Variants in CCNL2 observed in about 807,000 individuals in gnomAD.
The protein encoded by CCNL2 is cyclin L2.
In CCNL2, 28 loss-of-function variants were observed where a neutral mutation model predicts 59.1. That is an observed-to-expected ratio of 0.47 (90% CI 0.35 to 0.65). CCNL2 has a LOEUF of 0.65. CCNL2 is among the 30% of genes least tolerant of loss of function. The pLI is 0.00. For synonymous variants in CCNL2, 342 were observed against 288.6 expected (o/e 1.19, Z -1.88); for missense variants, 714 against 717.4 (o/e 1.00, Z 0.05).
chr1:1,398,992 G>A lies in CCNL2; in HGVS notation c.288+27C>T, dbSNP rs775420402. 16 of 1,574,666 alleles carry A rather than the reference G, an allele frequency of 1.0e-5. No homozygotes were observed. In the Admixed American group the frequency reaches 1.4e-4, roughly 14 times the overall value. Reference sequence around the variant, plus strand: ...GGCTGCCGCCCCAGCGGTTACCTGGGCCGGAGGCTCGCGGCCGCGCCCTCA... The same window carrying A: ...GGCTGCCGCCCCAGCGGTTACCTGGACCGGAGGCTCGCGGCCGCGCCCTCA... On this transcript the variant is annotated intron_variant, in intron 1 of 10. Coordinates refer to ENST00000400809, the MANE Select transcript of CCNL2 (RefSeq NM_030937.6).
Position 1,386,592 on chromosome 1 carries a change from T to TA in CCNL2, c.*638dup, listed in dbSNP as rs1644465313. The TA allele has an allele frequency of 6.6e-6, 1 of 152,628 alleles. No homozygotes were observed. The highest frequency in any genetic ancestry group is 1.5e-5 in the Non-Finnish European group (1 of 68,048). 9.5% of individuals were successfully genotyped at this position (152,628 alleles called of 1,614,324 possible). ...TGGCCTGCACTCAGCACCGCACAGA[T>TA]AAAAATATACGACTTTCAACACAGA... is the stretch of plus-strand genomic sequence containing the variant. On this transcript the variant is annotated 3_prime_UTR_variant, in exon 11 of 11. Coordinates refer to ENST00000400809, the MANE Select transcript of CCNL2 (RefSeq NM_030937.6).
At chr1:1,398,835 T>C (rs905746695) in intron 1 of CCNL2, 164 bp from the exon 2 acceptor site, 140 of 1,249,702 alleles carry the variant, frequency 1.1e-4, no homozygotes, top group Non-Finnish European at 1.4e-4. Context: ...TCCAGCGCAC[T>C]GGCGGGCGGG....
Position 1,390,459 on chromosome 1 carries a change from C to A in CCNL2, c.864G>T (p.Lys288Asn). Residue 288 changes from lysine (K) to asparagine (N), a missense_variant and splice_region_variant, in exon 7 of 11, where the codon AAG (lysine) becomes AAT (asparagine). Around this residue, in one of 5 missense-constraint regions of CCNL2, gnomAD observed 403 missense variants for 377.7 expected, o/e 1.07. Coordinates refer to ENST00000400809, the MANE Select transcript of CCNL2 (RefSeq NM_030937.6). ...LKILQLYARK[K>N]VDLTHLEGEV... is the part of the protein sequence containing the mutation. ...GTTACATGAAAAAATGCCGAAGAAC[C>A]TTTTTCCGAGCATAAAGCTGCAAGA... The A allele has an allele frequency of 1.2e-6, 2 of 1,613,128 alleles. No homozygotes were observed. Among genetic ancestry groups the A allele is most frequent in the Non-Finnish European group, 1.7e-6 (2 of 1,179,604 alleles).
chr1:1,387,744 AT>A, intron 10 of CCNL2, 32 bp downstream of exon 10: 1 of 1,554,714 alleles, frequency 6.4e-7, no homozygotes, highest in Non-Finnish European at 8.8e-7. Flanking sequence ...CCACCCCGGT[AT>A]CGGCCTCCTG....
In CCNL2 at chr1:1,395,438, G is replaced by C. The variant is rs769883231; in HGVS notation, c.550C>G (p.Leu184Val). Residue 184 changes from leucine to valine, a missense_variant, in exon 4 of 11, where the codon CTC (leucine) becomes GTC (valine). Around this residue, in one of 5 missense-constraint regions of CCNL2, gnomAD observed 270 missense variants for 254.9 expected, o/e 1.06. Transcript: ENST00000400809. ...TGGACGCAGAAACCCAACTCTTTGA[G>C]AACTCGTCTTTCCGCCTTTATAATT... ...NQIIKAERRV[L>V]KELGFCVHVK... is the part of the protein sequence containing the mutation. 1.9e-6 allele frequency: 3 copies of C among 1,614,164 alleles called. No individual in the cohort carries two copies. Among genetic ancestry groups the C allele is most frequent in the Non-Finnish European group, 2.5e-6 (3 of 1,180,036 alleles).
rs1192078411 is a variant in CCNL2, at chr1:1,387,810, C to T, written c.1178G>A (p.Arg393Lys). The T allele has an allele frequency of 6.2e-7, 1 of 1,613,332 alleles. No homozygotes were observed. Residue 393 changes from arginine (R) to lysine (K), a missense_variant, in exon 10 of 11, where the codon AGG becomes AAG. Physicochemically the swap from Arg to Lys is conservative, Grantham distance 26 (BLOSUM62 2). This residue lies in a region of CCNL2 where 403 missense variants were observed against 377.7 expected (regional missense o/e 1.07). Coordinates refer to ENST00000400809, the MANE Select transcript of CCNL2 (RefSeq NM_030937.6). ...RSRSREQSYS[R>K]SPSRSASPKR... ...AGGAGACGCTGATCGGGATGGGGAC[C>T]TCGAGTAGCTCTGCTCACGGCTCCG...
intron 8 of CCNL2, chr1:1,388,563 G>T: frequency 3.0e-6 from 1 of 336,214 alleles, no homozygotes; most frequent in Non-Finnish European, 6.0e-6. Flanking sequence ...ATGTGAGTGT[G>T]TGTCTCTCTC....
rs571385910 is a variant in CCNL2, at chr1:1,387,641, C to A, written c.1212-59G>T. On this transcript the variant is annotated intron_variant, in intron 10 of 10. Transcript: ENST00000400809. The stretch of plus-strand genomic sequence containing the variant: ...CCATCTGGCCCGGCCAGGCCCCACA[C>A]ACCCACAGGAGCTCAGACAAGACAC... The A allele has an allele frequency of 1.7e-4, 240 of 1,417,722 alleles. No homozygotes were observed. In the African/African-American group the frequency reaches 3.1e-3, roughly 18 times the overall value. The allele number at this position is 1,417,722 out of a possible 1,614,324, so 87.8% of individuals were successfully genotyped here. A position where few individuals can be genotyped will look rare whatever the true frequency, so the allele number is the denominator to read the frequency against.
rs1012412642 is a variant in CCNL2, at chr1:1,387,156, C to T, written c.*75G>A. The T allele has an allele frequency of 3.2e-6, 4 of 1,262,086 alleles. No individual in the cohort carries two copies. In the African/African-American group the frequency reaches 5.9e-5, roughly 19 times the overall value. 78.2% of individuals were successfully genotyped at this position (1,262,086 alleles called of 1,614,324 possible). On this transcript the variant is annotated 3_prime_UTR_variant, in exon 11 of 11. Coordinates refer to ENST00000400809, the MANE Select transcript of CCNL2 (RefSeq NM_030937.6). The stretch of plus-strand genomic sequence containing the variant: ...GCACACCCGGGGGTCAAAGGGCAGC[C>T]ACCGGGGGTCAAAGGGCAGCCATCA...
chr1:1,387,663 A>G (rs113035192), intron 10 of CCNL2, 81 bp from the exon 11 acceptor site: 7 of 1,396,918 alleles, frequency 5.0e-6, no homozygotes, highest in Non-Finnish European at 3.9e-6. Flanking sequence ...CTCAGACAAG[A>G]CACACAAGCT....
intron 5 of CCNL2, chr1:1,391,127 T>C: frequency 2.4e-6 from 3 of 1,251,026 alleles, no homozygotes; most frequent in Middle Eastern, 3.1e-4. Flanking sequence ...AGACAATACG[T>C]GTTGCTATGA....
Position 1,398,586 on chromosome 1 carries a change from G to A in CCNL2, c.363+11C>T, listed in dbSNP as rs1352395861. 8 of 1,612,402 alleles carry A rather than the reference G, an allele frequency of 5.0e-6. No homozygotes were observed. The highest frequency in any genetic ancestry group is 1.3e-5 in the African/African-American group (1 of 74,916). ...ACTTCGCTGGGAATGAAGTGCAGGAGGAAGCCTTACCTCCATGGAGTGCTT... is the reference window on the plus strand; with the variant it reads ...ACTTCGCTGGGAATGAAGTGCAGGAAGAAGCCTTACCTCCATGGAGTGCTT... On this transcript the variant is annotated intron_variant, in intron 2 of 10. Transcript: ENST00000400809.
intron 2 of CCNL2, 89 bp downstream of exon 2, chr1:1,398,508 T>C (rs1645177914): frequency 1.3e-6 from 2 of 1,573,524 alleles, no homozygotes; most frequent in East Asian, 2.2e-5. Context: ...GGGGGGCAAG[T>C]ACTCACTCCC....
At chr1:1,390,006 T>A (rs944425091) in intron 8 of CCNL2, among the ~76,000 whole-genome samples, 15 of 151,134 alleles carry the variant, frequency 9.9e-5, no homozygotes, top group Non-Finnish European at 1.8e-4. Context: ...TAGTCCTAGC[T>A]ATGCAGAAAG....
At chr1:1,388,740 C>T (rs1236715655) in intron 8 of CCNL2, 1 of 369,096 alleles carries the variant, frequency 2.7e-6, no homozygotes, top group African/African-American at 2.3e-5. Flanking sequence ...CACTGCACTC[C>T]AGGCTGGGCA....
intron 3 of CCNL2, among the ~76,000 whole-genome samples, chr1:1,397,191 G>A (rs1645082789): frequency 6.6e-6 from 1 of 152,220 alleles, no homozygotes; most frequent in African/African-American, 2.4e-5. Flanking sequence ...GTTTTCTAAA[G>A]GACTTCAATT....
At chr1:1,398,000 C>G (rs934667897) in intron 3 of CCNL2, among the ~76,000 whole-genome samples, 1 of 152,306 alleles carries the variant, frequency 6.6e-6, no homozygotes, top group South Asian at 2.1e-4. Flanking sequence ...GAAGCCAGCC[C>G]CAGCGCGACC....
rs1278716500 is a variant in CCNL2 at position 1,398,615 on chromosome 1, G to A, written c.345C>T (p.Phe115=). 4 of 1,613,924 alleles carry A rather than the reference G, an allele frequency of 2.5e-6. No homozygotes were observed. The highest frequency in any genetic ancestry group is 2.5e-6 in the Non-Finnish European group (3 of 1,179,916). The change falls in exon 2 of 11, where the codon TTC becomes TTT. Residue 115 remains phenylalanine (F), a synonymous_variant. Transcript: ENST00000400809. ...LFQRFFYTKS[F]VKHSMEHVSM... The stretch of plus-strand genomic sequence containing the variant: ...GCCTTACCTCCATGGAGTGCTTCAC[G>A]AAGGACTTGGTATAAAAGAACCGCT...
At chr1:1,394,010 C>T (rs900765691) in intron 4 of CCNL2, among the ~76,000 whole-genome samples, 2 of 151,830 alleles carry the variant, frequency 1.3e-5, no homozygotes, top group Non-Finnish European at 2.9e-5. Flanking sequence ...CCTGTAATCC[C>T]AGGTACTCAG....
Sources: allele counts gnomAD v4.1 joint callset (sites outside exome capture counted in the v4.1 genomes callset), GRCh38; gene constraint gnomAD v4.1.1; regional missense constraint gnomAD v4.1.1; transcripts MANE v1.5; gene names NCBI Gene and HGNC (gene_info 2026-07-23, HGNC 2026-07-21).